Variants in CSNK2A1 observed in about 807,000 individuals in gnomAD.
CSNK2A1 encodes the protein casein kinase II subunit alpha.
A neutral mutation model predicts 62.9 loss-of-function variants in CSNK2A1; 10 were observed. That is an observed-to-expected ratio of 0.16 (90% CI 0.10 to 0.27). The LOEUF (loss-of-function observed/expected upper bound fraction) is 0.27. Among genes scored for constraint, CSNK2A1 ranks in the 10% least tolerant of loss-of-function variants. The pLI, the probability that CSNK2A1 is intolerant of heterozygous loss-of-function variation, is 1.00. For synonymous variants in CSNK2A1, 124 were observed against 167.8 expected (o/e 0.74, Z 2.02); for missense variants, 160 against 492.0 (o/e 0.33, Z 6.38).
intron 10 of CSNK2A1, 50 bp from the exon 11 acceptor site, chr20:488,828 C>T: frequency 6.7e-7 from 1 of 1,493,506 alleles, no homozygotes; most frequent in Non-Finnish European, 9.2e-7. Context: ...ATTATATTAA[C>T]AAATCAACAA....
At chr20:490,030 CTTTCT>C in intron 9 of CSNK2A1, 149 bp from the exon 10 acceptor site, 8 of 617,112 alleles carry the variant, frequency 1.3e-5, no homozygotes, top group Admixed American at 1.0e-4. Context: ...TCTTTTTAGT[CTTTCT>C]TTTTTTTTTT....
intron 1 of CSNK2A1, among the ~76,000 whole-genome samples, chr20:536,041 T>G (rs2019314411): frequency 6.6e-6 from 1 of 152,128 alleles, no homozygotes; most frequent in Non-Finnish European, 1.5e-5. Context: ...GAGATGGGAA[T>G]ATTACCTTCT....
rs1313188363 is a variant in CSNK2A1 at position 518,696 on chromosome 20, G to A, written c.-110+9237C>T. Among the ~76,000 whole-genome samples, 156 of 145,748 alleles carry A rather than the reference G, an allele frequency of 1.1e-3. 1 individual carries two copies. Among genetic ancestry groups the A allele is most frequent in the Non-Finnish European group, 9.9e-4 (66 of 66,984 alleles). On this transcript the variant is annotated intron_variant, in intron 2 of 13. Transcript: ENST00000217244. Reference sequence around the variant, plus strand: ...CGAGTAGCTGGGACTACAGGAGTCCGCCACCACGCCCGGCTAATTTTTTTT... The same window carrying A: ...CGAGTAGCTGGGACTACAGGAGTCCACCACCACGCCCGGCTAATTTTTTTT...
At chr20:527,001 C>CAGACAGAGAGAGAGAGAGAGAGAGAGAG (rs1197678638) in intron 2 of CSNK2A1, 7 of 97,894 alleles carry the variant, frequency 7.2e-5, no homozygotes, top group South Asian at 8.2e-4. Flanking sequence ...GAGAGACAGA[C>CAGACAGAGAGAGAGAGAGAGAGAGAGAG]AGAGAGAGAG....
intron 8 of CSNK2A1, among the ~76,000 whole-genome samples, chr20:493,657 C>A (rs1015259178): frequency 7.9e-5 from 12 of 152,304 alleles, no homozygotes; most frequent in African/African-American, 2.9e-4. Context: ...ACCAGTTTTA[C>A]ATGCACGCAT....
At chr20:487,191 T>A in intron 12 of CSNK2A1, 1 of 571,918 alleles carries the variant, frequency 1.7e-6, no homozygotes, top group South Asian at 2.5e-5. Context: ...AGAAGTGTCA[T>A]CCTCACAGTA....
intron 1 of CSNK2A1, among the ~76,000 whole-genome samples, chr20:537,411 A>G (rs1283450942): frequency 1.3e-5 from 2 of 152,272 alleles, no homozygotes; most frequent in East Asian, 3.9e-4. Context: ...ACCAGTTAAA[A>G]TGCCACTCTT....
intron 1 of CSNK2A1, among the ~76,000 whole-genome samples, chr20:531,767 A>G (rs1160361280): frequency 3.9e-5 from 6 of 152,250 alleles, no homozygotes; most frequent in Non-Finnish European, 8.8e-5. Flanking sequence ...AAGACAATGT[A>G]TCCTAGGCTT....
intron 1 of CSNK2A1, among the ~76,000 whole-genome samples, chr20:537,649 G>C (rs2019363215): frequency 1.3e-5 from 2 of 152,160 alleles, no homozygotes; most frequent in African/African-American, 4.8e-5. Context: ...GGCTGGCCTA[G>C]ATTTCTCTAT....
At chr20:510,753 G>C (rs1048812063) in intron 2 of CSNK2A1, among the ~76,000 whole-genome samples, 28 of 152,190 alleles carry the variant, frequency 1.8e-4, no homozygotes, top group Non-Finnish European at 2.9e-4. Context: ...GTCTCCCTCT[G>C]TAGGCCAGGC....
chr20:515,962 A>C (rs1600398317), intron 2 of CSNK2A1, among the ~76,000 whole-genome samples: 1 of 152,196 alleles, frequency 6.6e-6, no homozygotes, highest in African/African-American at 2.4e-5. Flanking sequence ...GCTTCTATTA[A>C]ATCACAGGAC....
chr20:524,107 A>G (rs1335308114), intron 2 of CSNK2A1, among the ~76,000 whole-genome samples: 1 of 151,842 alleles, frequency 6.6e-6, no homozygotes, highest in Non-Finnish European at 1.5e-5. Flanking sequence ...AAGGAAAAAA[A>G]TTCTATCACA....
chr20:505,660 C>A (rs762370449), intron 3 of CSNK2A1, among the ~76,000 whole-genome samples: 12 of 137,068 alleles, frequency 8.8e-5, no homozygotes, highest in Non-Finnish European at 1.7e-4. Flanking sequence ...CCGCGCCTGG[C>A]CCATTGTATT....
intron 1 of CSNK2A1, among the ~76,000 whole-genome samples, chr20:533,373 C>T (rs2019252402): frequency 6.6e-6 from 1 of 152,148 alleles, no homozygotes; most frequent in African/African-American, 2.4e-5. Context: ...GATTATAAAT[C>T]CTAACATGCC....
At chr20:524,775 T>C (rs1173600540) in intron 2 of CSNK2A1, among the ~76,000 whole-genome samples, 2 of 149,892 alleles carry the variant, frequency 1.3e-5, no homozygotes, top group East Asian at 2.0e-4. Context: ...ACACGATGTA[T>C]ACATGCACTG....
rs1482112527 is a variant in CSNK2A1 at position 521,600 on chromosome 20, T to C, written c.-110+6333A>G. On this transcript the variant is annotated intron_variant, in intron 2 of 13. Coordinates refer to ENST00000217244, the MANE Select transcript of CSNK2A1 (RefSeq NM_177559.3). ...AAACCCGTATCTACACAAAAACTTA[T>C]ACACAAACATTTAAGGCAGCTTTAT... 7.2e-5 allele frequency among the ~76,000 whole-genome samples: 11 copies of C among 152,210 alleles called. 1 individual carries two copies. In the South Asian group the frequency reaches 2.1e-3, roughly 29 times the overall value.
intron 1 of CSNK2A1, among the ~76,000 whole-genome samples, chr20:532,649 C>T (rs1388969672): frequency 6.6e-6 from 1 of 152,166 alleles, no homozygotes; most frequent in Non-Finnish European, 1.5e-5. Context: ...CGCACCCTAA[C>T]ACAATACACT....
At chr20:495,436 C>T (rs979023343) in intron 8 of CSNK2A1, 6 of 351,056 alleles carry the variant, frequency 1.7e-5, no homozygotes, top group Non-Finnish European at 3.2e-5. Context: ...AGTAGTTTCT[C>T]AGGAAACCAG....
intron 2 of CSNK2A1, among the ~76,000 whole-genome samples, chr20:516,445 T>C (rs1221202056): frequency 6.6e-6 from 1 of 152,216 alleles, no homozygotes; most frequent in African/African-American, 2.4e-5. Flanking sequence ...TGGGTCTGCA[T>C]GACCTATTCT....
Sources: gnomAD v4.1 joint callset for allele counts (sites outside exome capture counted in the v4.1 genomes callset) on GRCh38, gnomAD v4.1.1 for gene constraint, MANE v1.5 for transcripts, NCBI Gene and HGNC (gene_info 2026-07-23, HGNC 2026-07-21) for gene names.